DNAH11: variants seen among roughly 807,000 people sequenced by gnomAD.
DNAH11 encodes the protein dynein axonemal heavy chain 11, also known as axonemal beta dynein heavy chain 11.
DNAH11 carries 442 observed loss-of-function variants against 526.0 expected under a neutral mutation model. The observed-to-expected ratio is 0.84, with a 90% CI of 0.78 to 0.91. DNAH11 has a LOEUF of 0.91. Among genes scored for constraint, DNAH11 ranks in the 40% least tolerant of loss-of-function variants. DNAH11 has a pLI of 0.00. For missense variants in DNAH11, 6,989 were observed against 5,448.7 expected (o/e 1.28, Z -8.90); for synonymous variants, 2,461 against 1,935.9 (o/e 1.27, Z -7.12).
At chr7:21,714,308 G>A (rs572579555) in intron 42 of DNAH11, among the ~76,000 whole-genome samples, 1 of 152,298 alleles carries the variant, frequency 6.6e-6, no homozygotes, top group South Asian at 2.1e-4. Context: ...TTAATGGGTA[G>A]ATGTTAATTT....
At chr7:21,705,355 G>A in intron 38 of DNAH11, 105 bp from the exon 39 acceptor site, 2 of 1,045,426 alleles carry the variant, frequency 1.9e-6, no homozygotes, top group South Asian at 2.9e-5. Flanking sequence ...TTGTCAGTGG[G>A]GGCTGGCTTG....
intron 54 of DNAH11, among the ~76,000 whole-genome samples, chr7:21,752,900 G>T (rs954100332): frequency 1.3e-4 from 20 of 152,092 alleles, no homozygotes; most frequent in Non-Finnish European, 2.9e-4. Flanking sequence ...TTTTAGTAGA[G>T]ACGGGGTTTC....
intron 42 of DNAH11, among the ~76,000 whole-genome samples, chr7:21,714,235 A>G (rs1784565558): frequency 2.0e-5 from 3 of 152,212 alleles, no homozygotes; most frequent in Admixed American, 1.3e-4. Flanking sequence ...AGAGAGTTAA[A>G]CAACTCTGTC....
chr7:21,774,789 G>C (rs1341103463), intron 56 of DNAH11, among the ~76,000 whole-genome samples: 3 of 152,178 alleles, frequency 2.0e-5, no homozygotes, highest in Non-Finnish European at 4.4e-5. Context: ...GAGAGACTCT[G>C]AAGACTTTGA....
chr7:21,882,543 C>T (rs973487545), intron 75 of DNAH11, among the ~76,000 whole-genome samples: 1 of 152,208 alleles, frequency 6.6e-6, no homozygotes, highest in African/African-American at 2.4e-5. Context: ...TGCCTATAAT[C>T]CCAGCACTTT....
Position 21,564,232 on chromosome 7 carries a change from G to A in DNAH11, c.1029G>A (p.Arg343=), listed in dbSNP as rs367840885. The A allele has an allele frequency of 3.7e-6, 6 of 1,611,878 alleles. No homozygotes were observed. The African/African-American group carries it at 4.0e-5, about 11-fold the overall frequency. Residue 343 remains arginine, a synonymous_variant, in exon 6 of 82, where the codon AGG becomes AGA. Transcript: ENST00000409508. ...QDVELYLRPL[R]RHIQCLQETE... is the part of the protein sequence containing the mutation. The stretch of plus-strand genomic sequence containing the variant: ...TGGAACTTTACCTGAGACCTCTGAG[G>A]AGACACATCCAGTGTCTCCAGGAGA...
At chr7:21,885,584 T>C (rs994727224) in intron 76 of DNAH11, among the ~76,000 whole-genome samples, 2 of 152,072 alleles carry the variant, frequency 1.3e-5, no homozygotes, top group African/African-American at 2.4e-5. Context: ...ATATTGTATA[T>C]CTAAAAATAG....
intron 30 of DNAH11, among the ~76,000 whole-genome samples, chr7:21,673,580 C>T (rs1782729688): frequency 6.6e-6 from 1 of 152,172 alleles, no homozygotes; most frequent in Non-Finnish European, 1.5e-5. Context: ...GTCCCTTCTG[C>T]TCTGACCTCT....
Position 21,620,017 on chromosome 7 carries a change from G to T in DNAH11, c.4439G>T (p.Arg1480Leu), listed in dbSNP as rs756873483. The T allele has an allele frequency of 6.2e-7, 1 of 1,609,408 alleles. No homozygotes were observed. Among genetic ancestry groups the T allele is most frequent in the Non-Finnish European group, 8.5e-7 (1 of 1,178,334 alleles). ...TMKFSYEVHY[R>L]TGIPLLKSDE... ...AAGTTTTCTTACGAAGTTCACTATC[G>T]AACAGGCATTCCATTACTAAAGTCT... The change falls in exon 25 of 82, where the codon CGA becomes CTA. Residue 1480 changes from arginine (R) to leucine (L), a missense_variant. Physicochemically the swap from Arg to Leu is moderately radical, Grantham distance 102. Coordinates refer to ENST00000409508, the MANE Select transcript of DNAH11 (RefSeq NM_001277115.2).
At chr7:21,883,821 G>A (rs1482537797) in intron 75 of DNAH11, among the ~76,000 whole-genome samples, 1 of 152,146 alleles carries the variant, frequency 6.6e-6, no homozygotes, top group Non-Finnish European at 1.5e-5. Context: ...AGGAAGGATG[G>A]CTTGAGGCCA....
At chr7:21,610,174 A>T (rs1424202135) in intron 20 of DNAH11, among the ~76,000 whole-genome samples, 1 of 152,168 alleles carries the variant, frequency 6.6e-6, no homozygotes. Flanking sequence ...GAATGGCGTG[A>T]ACCTGGGAGG....
At chr7:21,779,826 A>G (rs570165868) in intron 57 of DNAH11, among the ~76,000 whole-genome samples, 2 of 152,330 alleles carry the variant, frequency 1.3e-5, no homozygotes, top group East Asian at 3.9e-4. Flanking sequence ...AATTGAGTGT[A>G]TATGTGTAAG....
At chr7:21,663,395 C>A (rs978240031) in intron 30 of DNAH11, among the ~76,000 whole-genome samples, 2 of 152,090 alleles carry the variant, frequency 1.3e-5, no homozygotes, top group African/African-American at 4.8e-5. Flanking sequence ...TTTGAGAAAT[C>A]TCCATACTGT....
chr7:21,864,153 A>C (rs886337243), intron 69 of DNAH11, among the ~76,000 whole-genome samples: 3 of 152,238 alleles, frequency 2.0e-5, no homozygotes, highest in African/African-American at 7.2e-5. Context: ...AACTAATAAT[A>C]CTGGTTCTAC....
intron 25 of DNAH11, among the ~76,000 whole-genome samples, chr7:21,633,385 A>G (rs1450205502): frequency 6.6e-6 from 1 of 152,234 alleles, no homozygotes; most frequent in Admixed American, 6.5e-5. Flanking sequence ...CAGATGATCT[A>G]TCCATTGTTG....
intron 60 of DNAH11, among the ~76,000 whole-genome samples, chr7:21,788,809 T>G (rs1049810303): frequency 6.6e-6 from 1 of 152,212 alleles, no homozygotes; most frequent in Non-Finnish European, 1.5e-5. Flanking sequence ...TTTCTAGTAA[T>G]ATGAGGCGTA....
intron 64 of DNAH11, 120 bp from the exon 65 acceptor site, chr7:21,818,097 T>C: frequency 3.1e-6 from 3 of 969,752 alleles, no homozygotes; most frequent in Non-Finnish European, 4.5e-6. Context: ...TATAAAATAG[T>C]TTTCTCTAAG....
chr7:21,629,310 G>T (rs1786491065), intron 25 of DNAH11, among the ~76,000 whole-genome samples: 1 of 152,040 alleles, frequency 6.6e-6, no homozygotes, highest in Non-Finnish European at 1.5e-5. Flanking sequence ...TTTGAAACTT[G>T]TTTTGTGCCC....
chr7:21,641,748 T>C lies in DNAH11; in HGVS notation c.4944+2683T>C, dbSNP rs748095010. Among the ~76,000 whole-genome samples, 69 of 152,252 alleles carry C rather than the reference T, an allele frequency of 4.5e-4. 1 individual carries two copies. The highest frequency in any genetic ancestry group is 4.1e-4 in the South Asian group (2 of 4,836). On this transcript the variant is annotated intron_variant, in intron 28 of 81. Coordinates refer to ENST00000409508, the MANE Select transcript of DNAH11 (RefSeq NM_001277115.2). ...ATGACTTCGGTATTTTACAGAGTGC[T>C]ATCTTCTCCATTATCAGTGTGACTT... is the stretch of plus-strand genomic sequence containing the variant.
Sources: allele counts gnomAD v4.1 joint callset (sites outside exome capture counted in the v4.1 genomes callset), GRCh38; gene constraint gnomAD v4.1.1; transcripts MANE v1.5; gene names NCBI Gene and HGNC (gene_info 2026-07-23, HGNC 2026-07-21).